The following ANO2 variants were observed in gnomAD, a reference collection of about 807,000 sequenced individuals.
The protein encoded by ANO2 is anoctamin 2, also known as anoctamin-2.
A neutral mutation model predicts 124.2 loss-of-function variants in ANO2; 101 were observed. The observed-to-expected ratio is 0.81, with a 90% confidence interval of 0.69 to 0.96. The LOEUF (loss-of-function observed/expected upper bound fraction) is 0.96. Among genes scored for constraint, ANO2 ranks in the 40% least tolerant of loss-of-function variants. The pLI, the probability that ANO2 is intolerant of heterozygous loss-of-function variation, is 0.00. For missense variants in ANO2, 1,293 were observed against 1,274.5 expected, an observed-to-expected ratio of 1.01 and a Z score of -0.22; for synonymous variants, 486 against 482.5, an observed-to-expected ratio of 1.01 and a Z score of -0.09.
At chr12:5,677,281 T>TC (rs1565555903) in intron 14 of ANO2, among the ~76,000 whole-genome samples, 1 of 151,948 alleles carries the variant, frequency 6.6e-6, no homozygotes, top group Non-Finnish European at 1.5e-5. Flanking sequence ...AACCATTATG[T>TC]CCCCAAAGGC....
At chr12:5,861,726 A>G (rs1955277138) in intron 3 of ANO2, among the ~76,000 whole-genome samples, 1 of 152,106 alleles carries the variant, frequency 6.6e-6, no homozygotes. Flanking sequence ...TCGATGATGG[A>G]GGAGCAGAGA....
chr12:5,851,837 A>G lies in ANO2; in HGVS notation c.633+2206T>C, dbSNP rs1179298836. The G allele has an allele frequency of 1.2e-5, 8 of 688,804 alleles. No individual in the cohort carries two copies. The Admixed American group carries it at 1.7e-4, about 15-fold the overall frequency. 42.7% of individuals were successfully genotyped at this position (688,804 alleles called of 1,614,324 possible). On this transcript the variant is annotated intron_variant, in intron 4 of 24. Coordinates refer to ENST00000682330, the MANE Select transcript of ANO2 (RefSeq NM_001364791.2). ...TAGAAAGACGGGAAGGAAAGCAAAG[A>G]GGGAAAATAAGCAAGCGGAGGTTGA...
chr12:5,817,741 T>C (rs575539799), intron 7 of ANO2, among the ~76,000 whole-genome samples: 1 of 152,192 alleles, frequency 6.6e-6, no homozygotes. Context: ...GAGGTTCTGG[T>C]GAACATCTAA....
At chr12:5,612,537 G>C in intron 19 of ANO2, 119 bp downstream of exon 19, 6 of 811,684 alleles carry the variant, frequency 7.4e-6, no homozygotes, top group Non-Finnish European at 1.0e-5. Flanking sequence ...AATTGACAGA[G>C]AATTAAATCA....
intron 14 of ANO2, among the ~76,000 whole-genome samples, chr12:5,698,383 G>A (rs1949273889): frequency 6.6e-6 from 1 of 152,206 alleles, no homozygotes; most frequent in South Asian, 2.1e-4. Flanking sequence ...GCAGCTGAGG[G>A]TTCTGACTGT....
At chr12:5,831,782 GC>G (rs1954161025) in intron 5 of ANO2, among the ~76,000 whole-genome samples, 1 of 152,032 alleles carries the variant, frequency 6.6e-6, no homozygotes, top group Non-Finnish European at 1.5e-5. Flanking sequence ...GCCCTTCCAT[GC>G]CCCGGCCTTT....
chr12:5,920,094 T>C (rs1022356114), intron 3 of ANO2, among the ~76,000 whole-genome samples: 4 of 151,970 alleles, frequency 2.6e-5, no homozygotes, highest in Non-Finnish European at 5.9e-5. Context: ...CATGCATGCA[T>C]GCATGGGTGG....
chr12:5,672,318 T>C lies in ANO2; in HGVS notation c.1546-24517A>G, dbSNP rs201684053. On this transcript the variant is annotated intron_variant, in intron 14 of 24. Coordinates refer to ENST00000682330, the MANE Select transcript of ANO2 (RefSeq NM_001364791.2). The stretch of plus-strand genomic sequence containing the variant: ...AACCAAGCTCTATAATTGTGGTCTG[T>C]TTACAAGGCATGCTGAGTTGTCGGT... 1.7e-4 allele frequency among the ~76,000 whole-genome samples: 26 copies of C among 152,304 alleles called. No individual in the cohort carries two copies. The East Asian group carries it at 4.4e-3, about 26-fold the overall frequency.
intron 9 of ANO2, among the ~76,000 whole-genome samples, chr12:5,805,382 G>A (rs973652674): frequency 6.6e-6 from 1 of 152,106 alleles, no homozygotes; most frequent in South Asian, 2.1e-4. Context: ...CAGGAGGATG[G>A]CATAAGGGGA....
chr12:5,940,033 G>A (rs1415701650), intron 1 of ANO2, among the ~76,000 whole-genome samples: 1 of 152,186 alleles, frequency 6.6e-6, no homozygotes, highest in African/African-American at 2.4e-5. Context: ...CAGGGATATG[G>A]TAAATGCTTA....
intron 10 of ANO2, among the ~76,000 whole-genome samples, chr12:5,778,864 G>A (rs1446334199): frequency 6.6e-6 from 1 of 152,222 alleles, no homozygotes; most frequent in Admixed American, 6.5e-5. Context: ...TGATGGAGGT[G>A]TGGAATGATT....
chr12:5,597,606 T>C (rs1333658396), intron 20 of ANO2, among the ~76,000 whole-genome samples: 1 of 152,174 alleles, frequency 6.6e-6, no homozygotes, highest in Non-Finnish European at 1.5e-5. Flanking sequence ...AGCTTTGAAA[T>C]AGCTGAACAG....
Position 5,575,863 on chromosome 12 carries a change from T to C in ANO2, c.2592A>G (p.Ser864=). The C allele has an allele frequency of 6.2e-7, 1 of 1,613,912 alleles. No individual in the cohort carries two copies. The highest frequency in any genetic ancestry group is 8.5e-7 in the Non-Finnish European group (1 of 1,179,856). The stretch of plus-strand genomic sequence containing the variant: ...AGAACTGAACCTCCTGGTCAAACTG[T>C]GAGTTTTCTGGCTGCGTCCCCTCCT... ...QLKEGTQPEN[S]QFDQEVQFCR... The change falls in exon 23 of 25, where the codon TCA becomes TCG. Residue 864 remains serine, a synonymous_variant. Coordinates refer to ENST00000682330, the MANE Select transcript of ANO2 (RefSeq NM_001364791.2).
rs552237662 is a variant in ANO2, at chr12:5,908,375, A to G, written c.534+12665T>C. 1.3e-5 allele frequency among the ~76,000 whole-genome samples: 2 copies of G among 152,300 alleles called. No individual in the cohort carries two copies. Among genetic ancestry groups the G allele is most frequent in the South Asian group, 4.1e-4 (2 of 4,826 alleles). ...GGTCAAACAGACCTCAGCCCTTACC[A>G]CCTGAGAATAATCAATTCCTGAGTG... On this transcript the variant is annotated intron_variant, in intron 3 of 24. Coordinates refer to ENST00000682330, the MANE Select transcript of ANO2 (RefSeq NM_001364791.2). The surrounding 1 kb of genome is among the most constrained non-coding windows in gnomAD (Gnocchi z 4.7).
At chr12:5,735,324 C>A (rs1950813953) in intron 13 of ANO2, among the ~76,000 whole-genome samples, 1 of 152,126 alleles carries the variant, frequency 6.6e-6, no homozygotes, top group Admixed American at 6.5e-5. Context: ...TCCCCAGGAG[C>A]CAGCTGGGAG....
intron 22 of ANO2, 87 bp from the exon 23 acceptor site, chr12:5,576,102 G>T: frequency 7.6e-7 from 1 of 1,319,578 alleles, no homozygotes; most frequent in East Asian, 2.5e-5. Context: ...AGAAGGAGCT[G>T]CTCTGACTGA....
At chr12:5,701,087 A>ATTTTTTTTTTTTT (rs56113538) in intron 14 of ANO2, among the ~76,000 whole-genome samples, 6 of 93,608 alleles carry the variant, frequency 6.4e-5, no homozygotes, top group Non-Finnish European at 1.2e-4. Flanking sequence ...GTCATTTTCA[A>ATTTTTTTTTTTTT]TTTTTTTTTT....
intron 7 of ANO2, among the ~76,000 whole-genome samples, chr12:5,826,399 A>G (rs1284216040): frequency 2.7e-5 from 4 of 150,448 alleles, no homozygotes; most frequent in Non-Finnish European, 5.9e-5. Context: ...GCCAAAGGAG[A>G]TTAACATTTG....
chr12:5,711,902 T>C (rs1211974717), intron 14 of ANO2, among the ~76,000 whole-genome samples: 1 of 152,196 alleles, frequency 6.6e-6, no homozygotes, highest in African/African-American at 2.4e-5. Flanking sequence ...AGAAACAGAC[T>C]TCTTGACTGA....
Sources: gnomAD v4.1 joint callset for allele counts (sites outside exome capture counted in the v4.1 genomes callset) on GRCh38, gnomAD v4.1.1 for gene constraint, Gnocchi (gnomAD v3.1) non-coding constraint, MANE v1.5 for transcripts, NCBI Gene and HGNC (gene_info 2026-07-23, HGNC 2026-07-21) for gene names.